PKD2: variants seen among roughly 807,000 people sequenced by gnomAD.
The protein encoded by PKD2 is polycystin-2.
Under a neutral mutation model 105.9 loss-of-function variants are expected in PKD2, and 48 were observed. The observed-to-expected ratio is 0.45, with a 90% confidence interval of 0.36 to 0.58. The LOEUF (loss-of-function observed/expected upper bound fraction) is 0.58. PKD2 is among the 20% of genes least tolerant of loss of function. PKD2 has a pLI of 0.00. For synonymous variants in PKD2, 464 were observed against 481.1 expected (o/e 0.96, Z 0.46); for missense variants, 1,078 against 1,255.3 (o/e 0.86, Z 2.13).
chr4:88,037,075 T>G (rs993758124), intron 3 of PKD2, among the ~76,000 whole-genome samples: 1 of 152,072 alleles, frequency 6.6e-6, no homozygotes, highest in Non-Finnish European at 1.5e-5. Flanking sequence ...CCAAAAAAGT[T>G]AAAGAATTAG....
chr4:88,034,652 C>T (rs907708797), intron 2 of PKD2, among the ~76,000 whole-genome samples: 1 of 112,252 alleles, frequency 8.9e-6, no homozygotes, highest in Non-Finnish European at 1.7e-5. Context: ...TGGGCAACAA[C>T]AGTGAAACTC....
Position 88,067,908 on chromosome 4 carries a change from A to G in PKD2, c.2369A>G (p.Asp790Gly). The G allele has an allele frequency of 1.2e-6, 2 of 1,613,842 alleles. No individual in the cohort carries two copies. Among genetic ancestry groups the G allele is most frequent in the Non-Finnish European group, 1.7e-6 (2 of 1,179,938 alleles). Residue 790 changes from aspartate to glycine, a missense_variant, in exon 13 of 15, where the codon GAT becomes GGT. Coordinates refer to ENST00000237596, the MANE Select transcript of PKD2 (RefSeq NM_000297.4). The part of the protein sequence containing the change: ...DDLEKEREDL[D>G]LDHSSLPRPM... The stretch of plus-strand genomic sequence containing the variant: ...CCCCTTGTTCTTCAGGAGGACCTGG[A>G]TTTGGATCACAGTTCTTTACCACGT...
intron 6 of PKD2, 30 bp from the exon 7 acceptor site, chr4:88,051,959 CTG>C: frequency 8.1e-7 from 1 of 1,241,892 alleles, no homozygotes; most frequent in Non-Finnish European, 1.2e-6. Flanking sequence ...TTCTAAAACA[CTG>C]TAATAAAATA....
chr4:88,075,145 T>C (rs1721186734), intron 14 of PKD2, among the ~76,000 whole-genome samples, 186 bp downstream of exon 14: 1 of 152,256 alleles, frequency 6.6e-6, no homozygotes. Flanking sequence ...AAACACTCTT[T>C]CTATAAAATC....
chr4:88,074,486 G>A (rs770718588), intron 13 of PKD2, among the ~76,000 whole-genome samples: 1 of 152,132 alleles, frequency 6.6e-6, no homozygotes, highest in Admixed American at 6.5e-5. Context: ...CCGCGATTAA[G>A]AAGCAGCACT....
Position 88,008,007 on chromosome 4 carries a change from C to G in PKD2, c.274C>G (p.Pro92Ala). 1 of 1,519,062 alleles carries G rather than the reference C, an allele frequency of 6.6e-7. No homozygotes were observed. The highest frequency in any genetic ancestry group is 2.5e-5 in the East Asian group (1 of 39,536). The allele number at this position is 1,519,062 out of a possible 1,614,324, so 94.1% of individuals were successfully genotyped here. Residue 92 changes from proline (P) to alanine (A), a missense_variant, in exon 1 of 15, where the codon CCC becomes GCC. Physicochemically the swap from Pro to Ala is conservative, Grantham distance 27 (BLOSUM62 -1). Coordinates refer to ENST00000237596, the MANE Select transcript of PKD2 (RefSeq NM_000297.4). ...CSRQAWSRDNPGFEAEEEEEE... is the reference protein window; with the variant it reads ...CSRQAWSRDNAGFEAEEEEEE... Reference sequence around the variant, plus strand: ...CCGGCAGGCGTGGAGCCGCGATAACCCCGGCTTCGAGGCCGAGGAGGAGGA... The same window carrying G: ...CCGGCAGGCGTGGAGCCGCGATAACGCCGGCTTCGAGGCCGAGGAGGAGGA...
At chr4:88,016,481 A>G (rs1726565815) in intron 1 of PKD2, among the ~76,000 whole-genome samples, 1 of 152,142 alleles carries the variant, frequency 6.6e-6, no homozygotes, top group South Asian at 2.1e-4. Context: ...TCTGCCAAAC[A>G]TGGAGAATAG....
At chr4:88,068,520 T>C (rs993851825) in intron 13 of PKD2, among the ~76,000 whole-genome samples, 1 of 152,166 alleles carries the variant, frequency 6.6e-6, no homozygotes, top group African/African-American at 2.4e-5. Flanking sequence ...ATAATATGTT[T>C]ACTATAAAAA....
At chr4:88,061,320 A>T (rs866380711) in intron 9 of PKD2, among the ~76,000 whole-genome samples, 1 of 152,230 alleles carries the variant, frequency 6.6e-6, no homozygotes, top group African/African-American at 2.4e-5. Context: ...GTAGGTAAAT[A>T]TACTAATATT....
chr4:88,068,147 T>A, intron 13 of PKD2, 86 bp downstream of exon 13: 2 of 1,046,606 alleles, frequency 1.9e-6, no homozygotes, highest in Non-Finnish European at 3.0e-6. Flanking sequence ...AATTCACTCC[T>A]TTCCATTACT....
chr4:88,026,067 C>T (rs1335800295), intron 2 of PKD2, among the ~76,000 whole-genome samples: 3 of 148,134 alleles, frequency 2.0e-5, no homozygotes, highest in Non-Finnish European at 4.5e-5. Context: ...TGGGGTACTG[C>T]TATAAAAAAT....
rs528391237 is a variant in PKD2, at chr4:88,052,616, C to A, written c.1716+458C>A. 2.0e-5 allele frequency among the ~76,000 whole-genome samples: 3 copies of A among 152,248 alleles called. No homozygotes were observed. The East Asian group carries it at 5.8e-4, about 29-fold the overall frequency. On this transcript the variant is annotated intron_variant, in intron 7 of 14. Coordinates refer to ENST00000237596, the MANE Select transcript of PKD2 (RefSeq NM_000297.4). ...AACTATTGAGACTCATGTGATCATT[C>A]CTCTCACTGTCAATGACATACTTCT...
chr4:88,050,536 ATGT>A (rs1251510681), intron 6 of PKD2, among the ~76,000 whole-genome samples: 1 of 152,164 alleles, frequency 6.6e-6, no homozygotes, highest in Non-Finnish European at 1.5e-5. Flanking sequence ...AAAGACATTG[ATGT>A]TGTATAAATG....
intron 1 of PKD2, among the ~76,000 whole-genome samples, chr4:88,013,438 C>A (rs561437619): frequency 6.6e-6 from 1 of 152,218 alleles, no homozygotes; most frequent in Non-Finnish European, 1.5e-5. Flanking sequence ...AGGCCAGGCA[C>A]AGCCGCTCAT....
chr4:88,044,369 A>G (rs1274517047), intron 5 of PKD2, among the ~76,000 whole-genome samples: 1 of 152,080 alleles, frequency 6.6e-6, no homozygotes, highest in East Asian at 1.9e-4. Flanking sequence ...ATATTTACAC[A>G]TAAGATAAGA....
chr4:88,061,827 G>A (rs1278104019), intron 9 of PKD2, 79 bp from the exon 10 acceptor site: 7 of 763,654 alleles, frequency 9.2e-6, no homozygotes, highest in African/African-American at 1.7e-5. Context: ...AAACAAAAAG[G>A]CATGTGTCAT....
chr4:88,040,584 A>G lies in PKD2; in HGVS notation c.1094+2083A>G, dbSNP rs2728108. On this transcript the variant is annotated intron_variant, in intron 4 of 14. Coordinates refer to ENST00000237596, the MANE Select transcript of PKD2 (RefSeq NM_000297.4). The stretch of plus-strand genomic sequence containing the variant: ...CATTTGCCACTTCCATTTCCTTACC[A>G]TCAATTCACGTCTTAAAGCTTAGGT... Among the ~76,000 whole-genome samples, 3 of 151,904 alleles carry G rather than the reference A, an allele frequency of 2.0e-5. No homozygotes were observed. The South Asian group carries it at 6.2e-4, about 32-fold the overall frequency.
At chr4:88,075,116 A>AT (rs1176938843) in intron 14 of PKD2, among the ~76,000 whole-genome samples, 157 bp downstream of exon 14, 1 of 152,146 alleles carries the variant, frequency 6.6e-6, no homozygotes, top group East Asian at 1.9e-4. Context: ...TCATTTTCAG[A>AT]TTTTTTTCTC....
intron 6 of PKD2, among the ~76,000 whole-genome samples, chr4:88,050,209 C>T (rs578033935): frequency 2.0e-5 from 3 of 152,100 alleles, no homozygotes; most frequent in Admixed American, 6.5e-5. Context: ...CTCCTGACCT[C>T]GTGATCCGCC....
Sources: gnomAD v4.1 joint callset for allele counts (sites outside exome capture counted in the v4.1 genomes callset) on GRCh38, gnomAD v4.1.1 for gene constraint, MANE v1.5 for transcripts, NCBI Gene and HGNC (gene_info 2026-07-23, HGNC 2026-07-21) for gene names.